Variants in LTBP1 observed in about 807,000 individuals in gnomAD.
LTBP1 encodes the protein latent-transforming growth factor beta-binding protein 1.
In LTBP1, 129 loss-of-function variants were observed where a neutral mutation model predicts 207.6. The ratio of observed to expected loss-of-function variants is 0.62; its 90% CI spans 0.54 to 0.72. LTBP1 has a LOEUF of 0.72. Among genes scored for constraint, LTBP1 ranks in the 30% least tolerant of loss-of-function variants. LTBP1 has a pLI of 0.00. For synonymous variants in LTBP1, 963 were observed against 833.7 expected (o/e 1.16, Z -2.67); for missense variants, 2,281 against 2,217.2 (o/e 1.03, Z -0.58).
rs779912891 is a variant in LTBP1 at position 33,021,149 on chromosome 2, T to G, written c.806T>G (p.Met269Arg). 14 of 1,613,530 alleles carry G rather than the reference T, an allele frequency of 8.7e-6. No homozygotes were observed. The highest frequency in any genetic ancestry group is 8.3e-5 in the Admixed American group (5 of 59,956). ...CCAAGAGTCAGCCCTGTGGCCCAGATGACCTTAACCCTCAAGCCGAAGCCT... is the reference window on the plus strand; with the variant it reads ...CCAAGAGTCAGCCCTGTGGCCCAGAGGACCTTAACCCTCAAGCCGAAGCCT... Reference protein sequence around the residue: ...TLPRVSPVAQMTLTLKPKPSV... With the variant: ...TLPRVSPVAQRTLTLKPKPSV... The change falls in exon 3 of 34, where the codon ATG becomes AGG. Residue 269 changes from methionine (M) to arginine (R), a missense_variant. Physicochemically the swap from Met to Arg is moderately conservative, Grantham distance 91. This residue lies in a region of LTBP1 where 555 missense variants were observed against 491.0 expected (regional missense o/e 1.13). Coordinates refer to ENST00000404816, the MANE Select transcript of LTBP1 (RefSeq NM_206943.4).
chr2:33,356,942 CAT>C (rs1203891580), intron 26 of LTBP1, among the ~76,000 whole-genome samples: 14 of 152,156 alleles, frequency 9.2e-5, no homozygotes, highest in Admixed American at 3.9e-4. Context: ...ACTATTTACT[CAT>C]GTGTATTAGC....
At chr2:33,260,606 C>A (rs1318309955) in intron 13 of LTBP1, among the ~76,000 whole-genome samples, 1 of 152,094 alleles carries the variant, frequency 6.6e-6, no homozygotes, top group Non-Finnish European at 1.5e-5. Context: ...AAGAGACTTA[C>A]AATTTTGGAG....
intron 19 of LTBP1, among the ~76,000 whole-genome samples, chr2:33,284,744 T>C (rs2093629833): frequency 6.6e-6 from 1 of 152,206 alleles, no homozygotes; most frequent in Admixed American, 6.5e-5. Flanking sequence ...ATATTGCTAA[T>C]GTAGAGATCT....
At chr2:33,397,764 C>T (rs1009983662) in intron 33 of LTBP1, among the ~76,000 whole-genome samples, 16 of 151,480 alleles carry the variant, frequency 1.1e-4, no homozygotes, top group East Asian at 3.9e-4. Flanking sequence ...CCTCGTGATC[C>T]GCCCACCTTG....
chr2:33,275,404 G>C (rs900739796), intron 17 of LTBP1, among the ~76,000 whole-genome samples: 1 of 152,114 alleles, frequency 6.6e-6, no homozygotes, highest in Non-Finnish European at 1.5e-5. Context: ...TCAGTTACTG[G>C]CCAGGCGCCA....
chr2:32,955,441 G>T (rs1168158194), intron 2 of LTBP1, among the ~76,000 whole-genome samples: 3 of 151,988 alleles, frequency 2.0e-5, no homozygotes, highest in African/African-American at 7.3e-5. Flanking sequence ...TTTTAAAAAA[G>T]ATTTAAACAC....
At chr2:33,055,912 T>G (rs148564879) in intron 3 of LTBP1, among the ~76,000 whole-genome samples, 61 of 152,216 alleles carry the variant, frequency 4.0e-4, no homozygotes, top group African/African-American at 1.4e-3. Context: ...GATGAGAGGA[T>G]GATTATCATT....
chr2:33,283,015 A>G (rs1311407108), intron 19 of LTBP1, among the ~76,000 whole-genome samples: 2 of 139,964 alleles, frequency 1.4e-5, no homozygotes, highest in African/African-American at 5.4e-5. Context: ...GTGAGCCGAG[A>G]TTGCGCCACT....
intron 3 of LTBP1, among the ~76,000 whole-genome samples, chr2:33,093,224 G>A (rs17397310): frequency 0.1 from 15,245 of 152,188 alleles, 1,023 homozygotes; most frequent in Non-Finnish European, 0.15. Flanking sequence ...GTATTTTCAA[G>A]GGGAAATAAG....
intron 3 of LTBP1, among the ~76,000 whole-genome samples, chr2:33,051,581 A>C (rs2076746163): frequency 6.6e-6 from 1 of 152,054 alleles, no homozygotes; most frequent in Non-Finnish European, 1.5e-5. Context: ...GTGCCTGTTA[A>C]ATATTTGCAT....
intron 2 of LTBP1, among the ~76,000 whole-genome samples, chr2:33,003,647 C>T (rs575008767): frequency 2.0e-5 from 3 of 152,244 alleles, no homozygotes; most frequent in Middle Eastern, 3.4e-3. Flanking sequence ...GAGCTTCCTT[C>T]CAACCTTGTG....
chr2:33,158,838 A>C (rs2084219640), intron 5 of LTBP1, among the ~76,000 whole-genome samples: 1 of 152,198 alleles, frequency 6.6e-6, no homozygotes, highest in Non-Finnish European at 1.5e-5. Flanking sequence ...AATAGATAGC[A>C]GTATACGTAC....
Position 33,330,202 on chromosome 2 carries a change from T to A in LTBP1, c.3731-12636T>A, listed in dbSNP as rs1004636573. 6.4e-4 allele frequency among the ~76,000 whole-genome samples: 98 copies of A among 152,098 alleles called. 2 individuals are homozygous for A. Among genetic ancestry groups the A allele is most frequent in the Non-Finnish European group, 1.5e-4 (10 of 67,930 alleles). ...ACCAGTATATAGAGCTAAATTTGAT[T>A]TTTGTACATTGAACTTGTATCCATG... On this transcript the variant is annotated intron_variant, in intron 24 of 33. Coordinates refer to ENST00000404816, the MANE Select transcript of LTBP1 (RefSeq NM_206943.4).
At chr2:33,246,664 T>C (rs2092524439) in intron 10 of LTBP1, among the ~76,000 whole-genome samples, 1 of 152,208 alleles carries the variant, frequency 6.6e-6, no homozygotes. Flanking sequence ...GCTGACTCTC[T>C]GAACTCCTGC....
intron 7 of LTBP1, among the ~76,000 whole-genome samples, chr2:33,210,235 C>G (rs2090206032): frequency 6.6e-6 from 1 of 152,194 alleles, no homozygotes; most frequent in African/African-American, 2.4e-5. Flanking sequence ...ATTATTCGTG[C>G]TGAACTTAAC....
chr2:33,138,595 C>G (rs943152837), intron 5 of LTBP1, among the ~76,000 whole-genome samples: 3 of 152,066 alleles, frequency 2.0e-5, no homozygotes, highest in Non-Finnish European at 2.9e-5. Flanking sequence ...TGCAGATGAC[C>G]TTCTGGGATT....
intron 32 of LTBP1, among the ~76,000 whole-genome samples, chr2:33,394,030 C>G (rs1412539584): frequency 1.3e-5 from 2 of 151,926 alleles, no homozygotes; most frequent in East Asian, 1.9e-4. Flanking sequence ...ATTTGCATTC[C>G]TCTGATGGCC....
In LTBP1 at chr2:33,042,172, T is replaced by G. The variant is rs1202738364; in HGVS notation, c.863+20966T>G. ...AGATCTTCTTTGGTGAAGTGGACCTTTAGCCCATGTTTTTAATTGTGCTAT... is the reference window on the plus strand; with the variant it reads ...AGATCTTCTTTGGTGAAGTGGACCTGTAGCCCATGTTTTTAATTGTGCTAT... On this transcript the variant is annotated intron_variant, in intron 3 of 33. Coordinates refer to ENST00000404816, the MANE Select transcript of LTBP1 (RefSeq NM_206943.4). Among the ~76,000 whole-genome samples, 5 of 152,216 alleles carry G rather than the reference T, an allele frequency of 3.3e-5. No individual in the cohort carries two copies. The South Asian group carries it at 6.2e-4, about 19-fold the overall frequency.
At chr2:33,238,933 C>G (rs1245042675) in intron 9 of LTBP1, among the ~76,000 whole-genome samples, 1 of 152,158 alleles carries the variant, frequency 6.6e-6, no homozygotes, top group Admixed American at 6.5e-5. Context: ...TTGGGTTGTT[C>G]ATAGGGAGTC....
Sources: gnomAD v4.1 joint callset for allele counts (sites outside exome capture counted in the v4.1 genomes callset) on GRCh38, gnomAD v4.1.1 for gene constraint, gnomAD v4.1.1 regional missense constraint, MANE v1.5 for transcripts, NCBI Gene and HGNC (gene_info 2026-07-23, HGNC 2026-07-21) for gene names.